Variants in SUMF1 observed in about 807,000 individuals in gnomAD.
SUMF1 encodes the protein formylglycine-generating enzyme.
Under a neutral mutation model 47.6 loss-of-function variants are expected in SUMF1, and 48 were observed. That is an observed-to-expected ratio of 1.01 (90% CI 0.80 to 1.28). The LOEUF (loss-of-function observed/expected upper bound fraction) is 1.28, where lower values mean the gene tolerates loss of function less well. SUMF1 is among the 50% of genes most tolerant of loss of function. The probability of loss-of-function intolerance (pLI) is 0.00; values close to 1 mark genes in which losing one functional copy is unlikely to be tolerated. For synonymous variants in SUMF1, 230 were observed against 192.1 expected, an observed-to-expected ratio of 1.20 and a Z score of -1.63; for missense variants, 571 against 485.4, an observed-to-expected ratio of 1.18 and a Z score of -1.66.
chr3:4,410,121 C>G (rs775596877), intron 7 of SUMF1, among the ~76,000 whole-genome samples: 1 of 152,186 alleles, frequency 6.6e-6, no homozygotes, highest in South Asian at 2.1e-4. Context: ...TTCTCCCCCC[C>G]AATCTGTTCA....
chr3:4,387,841 G>C (rs1350794998), intron 7 of SUMF1, among the ~76,000 whole-genome samples: 1 of 151,954 alleles, frequency 6.6e-6, no homozygotes, highest in Non-Finnish European at 1.5e-5. Flanking sequence ...GGATTATTTA[G>C]AAGCGTGTTT....
At chr3:4,330,303 G>T (rs527863810) in intron 8 of SUMF1, among the ~76,000 whole-genome samples, 171 of 152,220 alleles carry the variant, frequency 1.1e-3, no homozygotes, top group Middle Eastern at 3.4e-3. Context: ...CCAATTTACT[G>T]TATTAGTCAG....
At chr3:4,130,714 C>T (rs981498257) in intron 8 of SUMF1, among the ~76,000 whole-genome samples, 6 of 151,966 alleles carry the variant, frequency 3.9e-5, no homozygotes, top group African/African-American at 1.4e-4. Flanking sequence ...CCTCCTACAA[C>T]CAAGAAAGAG....
chr3:4,340,382 C>A (rs938081200), intron 8 of SUMF1, among the ~76,000 whole-genome samples: 2 of 152,172 alleles, frequency 1.3e-5, no homozygotes, highest in East Asian at 3.9e-4. Context: ...TCCTGAGCTG[C>A]ATCCTTTTGT....
intron 8 of SUMF1, chr3:4,313,772 T>A: frequency 6.2e-7 from 1 of 1,613,976 alleles, no homozygotes; most frequent in Non-Finnish European, 8.5e-7. Context: ...GTGAGTCTGT[T>A]CAGTGATAAG....
At chr3:4,368,781 AT>A (rs1407567002) in intron 8 of SUMF1, among the ~76,000 whole-genome samples, 2 of 152,190 alleles carry the variant, frequency 1.3e-5, no homozygotes, top group African/African-American at 4.8e-5. Flanking sequence ...TTAACCACAG[AT>A]TACTTCAAAA....
At chr3:4,333,157 AC>A (rs1699081878) in intron 8 of SUMF1, among the ~76,000 whole-genome samples, 2 of 152,356 alleles carry the variant, frequency 1.3e-5, no homozygotes, top group South Asian at 4.1e-4. Flanking sequence ...AGCTCGGGAT[AC>A]AGGAAGCTGT....
chr3:4,397,906 C>T (rs1186841225), intron 7 of SUMF1, among the ~76,000 whole-genome samples: 1 of 152,078 alleles, frequency 6.6e-6, no homozygotes, highest in Non-Finnish European at 1.5e-5. Flanking sequence ...TAACATATAT[C>T]AAATGTTTAC....
At chr3:4,424,764 ATGTT>A (rs1303567406) in intron 3 of SUMF1, among the ~76,000 whole-genome samples, 1 of 152,232 alleles carries the variant, frequency 6.6e-6, no homozygotes, top group South Asian at 2.1e-4. Context: ...ATGCATAACA[ATGTT>A]TGTTAGTATC....
intron 9 of SUMF1, among the ~76,000 whole-genome samples, chr3:4,034,933 TA>T (rs1342463356): frequency 2.0e-5 from 3 of 151,266 alleles, no homozygotes; most frequent in Non-Finnish European, 4.4e-5. Context: ...TGGGGAATAG[TA>T]AGTTGGTTCC....
At chr3:4,207,086 T>C (rs563669285) in intron 8 of SUMF1, among the ~76,000 whole-genome samples, 97 of 152,264 alleles carry the variant, frequency 6.4e-4, no homozygotes, top group African/African-American at 2.0e-3. Flanking sequence ...TTTATTCCCA[T>C]ATATTTTATT....
chr3:4,335,960 C>CAAAAAAAACAAACAA (rs5846319), intron 8 of SUMF1, among the ~76,000 whole-genome samples: 1 of 73,908 alleles, frequency 1.4e-5, no homozygotes. Flanking sequence ...GATTCCAACT[C>CAAAAAAAACAAACAA]AAAAAAAAAA....
At chr3:4,246,612 G>A (rs1214909544) in intron 8 of SUMF1, among the ~76,000 whole-genome samples, 1 of 152,016 alleles carries the variant, frequency 6.6e-6, no homozygotes, top group Non-Finnish European at 1.5e-5. Flanking sequence ...ATGTTGGCCA[G>A]GCTGGTGTCA....
chr3:4,136,317 C>T (rs942941188), intron 8 of SUMF1, among the ~76,000 whole-genome samples: 3 of 152,082 alleles, frequency 2.0e-5, no homozygotes, highest in Admixed American at 6.6e-5. Context: ...AATAATACCA[C>T]ACATCTACAA....
chr3:4,204,212 G>C (rs1294078870), intron 8 of SUMF1, among the ~76,000 whole-genome samples: 2 of 152,050 alleles, frequency 1.3e-5, no homozygotes, highest in African/African-American at 4.8e-5. Context: ...ACCTGGGAAA[G>C]TATCTATTTC....
chr3:4,095,248 G>C (rs17039871), intron 8 of SUMF1, among the ~76,000 whole-genome samples: 7,521 of 152,116 alleles, frequency 0.049, 509 homozygotes, highest in East Asian at 0.16. Context: ...CTCCAGAACA[G>C]CTTTTAAAAC....
At chr3:4,169,398 A>T (rs528529245) in intron 8 of SUMF1, among the ~76,000 whole-genome samples, 8 of 152,302 alleles carry the variant, frequency 5.3e-5, no homozygotes, top group African/African-American at 1.9e-4. Context: ...ATTTGGACAC[A>T]AAGAGAAAAG....
chr3:4,094,930 G>A (rs1435435984), intron 8 of SUMF1, among the ~76,000 whole-genome samples: 3 of 152,088 alleles, frequency 2.0e-5, no homozygotes, highest in African/African-American at 4.8e-5. Flanking sequence ...CTTTGAGGAG[G>A]CATCTCATGG....
In SUMF1 at chr3:4,421,321, C is replaced by T. The variant is rs562062229; in HGVS notation, c.520-1175G>A. Among the ~76,000 whole-genome samples the T allele has an allele frequency of 4.5e-4, 68 of 152,212 alleles. 1 individual carries two copies. Among genetic ancestry groups the T allele is most frequent in the Non-Finnish European group, 8.8e-4 (60 of 68,020 alleles). On this transcript the variant is annotated intron_variant, in intron 3 of 8. Coordinates refer to ENST00000272902, the MANE Select transcript of SUMF1 (RefSeq NM_182760.4). ...GTTATTACAAGGAGGAAATATAATA[C>T]GCATACAGGACTTATGACTATGCCC...
Sources: gnomAD v4.1 joint callset for allele counts (sites outside exome capture counted in the v4.1 genomes callset) on GRCh38, gnomAD v4.1.1 for gene constraint, MANE v1.5 for transcripts, NCBI Gene and HGNC (gene_info 2026-07-23, HGNC 2026-07-21) for gene names.